The following EPB41 variants were observed in gnomAD, a reference collection of about 807,000 sequenced individuals.
EPB41 encodes the protein erythrocyte membrane protein band 4.1.
A neutral mutation model predicts 108.0 loss-of-function variants in EPB41; 65 were observed. That is an observed-to-expected ratio of 0.60 (90% CI 0.49 to 0.74). The LOEUF (loss-of-function observed/expected upper bound fraction) is 0.74. EPB41 is among the 30% of genes least tolerant of loss of function. EPB41 has a pLI of 0.00. For missense variants in EPB41, 875 were observed against 1,037.0 expected (o/e 0.84, Z 2.15); for synonymous variants, 336 against 358.9 (o/e 0.94, Z 0.72).
In EPB41 at chr1:29,035,806, G is replaced by A. The variant is rs1558100215; in HGVS notation, c.1366-20G>A. On this transcript the variant is annotated intron_variant, in intron 9 of 20. Transcript: ENST00000343067. ...TCACATGTAATACTTCATGTCCCAT[G>A]TTTATTTGTGTTTTTGTAGCAAGAG... 1 of 1,575,694 alleles carries A rather than the reference G, an allele frequency of 6.3e-7. No homozygotes were observed. Among genetic ancestry groups the A allele is most frequent in the African/African-American group, 1.3e-5 (1 of 74,238 alleles).
intron 1 of EPB41, among the ~76,000 whole-genome samples, chr1:28,958,260 G>A (rs1324150494): frequency 6.6e-6 from 1 of 152,258 alleles, no homozygotes; most frequent in Non-Finnish European, 1.5e-5. Flanking sequence ...ACCAGCCTGG[G>A]CAATATGGTA....
Position 29,109,343 on chromosome 1 carries a change from A to T in EPB41, c.2321A>T (p.Asp774Val). The change falls in exon 18 of 21, where the codon GAC (aspartate) becomes GTC (valine). Residue 774 changes from aspartate to valine, a missense_variant. By Grantham distance (152) the Asp-to-Val change is radical. Around this residue, in one of 3 missense-constraint regions of EPB41, gnomAD observed 519 missense variants for 627.3 expected, o/e 0.83. Transcript: ENST00000343067. ...CCATGCTTTCTTCTGCAGACTGACG[A>T]CAACAGTGGAGACTTGGACCCAGGA... ...TITYEAAQTD[D>V]NSGDLDPGVL... 6.2e-7 allele frequency: 1 copy of T among 1,614,010 alleles called. No homozygotes were observed. The highest frequency in any genetic ancestry group is 8.5e-7 in the Non-Finnish European group (1 of 1,179,884).
At chr1:28,939,761 T>G (rs925651762) in intron 1 of EPB41, among the ~76,000 whole-genome samples, 7 of 151,992 alleles carry the variant, frequency 4.6e-5, no homozygotes, top group Non-Finnish European at 7.4e-5. Context: ...TTTTTAAAGA[T>G]CTTAATATTT....
In EPB41 at chr1:28,934,666, T is replaced by TTGTGTGTGTGTGTGTGTGTGTG. The variant is rs1204147204; in HGVS notation, c.-8+19916_-8+19937dup. Among the ~76,000 whole-genome samples, 97 of 136,396 alleles carry TTGTGTGTGTGTGTGTGTGTGTG rather than the reference T, an allele frequency of 7.1e-4. 1 individual carries two copies. The highest frequency in any genetic ancestry group is 1.1e-3 in the African/African-American group (38 of 34,654). 89.5% of individuals were successfully genotyped at this position (136,396 alleles called of 152,430 possible). A position where few individuals can be genotyped will look rare whatever the true frequency, so the allele number is the denominator to read the frequency against. ...TGGTTGGCCTCTGGTTCTTTTGACA[T>TTGTGTGTGTGTGTGTGTGTGTG]TGTGTGTGTGTGTGTGTGTGTGTGT... On this transcript the variant is annotated intron_variant, in intron 1 of 20. Transcript: ENST00000343067.
intron 17 of EPB41, among the ~76,000 whole-genome samples, chr1:29,104,898 ATT>A (rs1337518883): frequency 6.7e-6 from 1 of 150,202 alleles, no homozygotes; most frequent in East Asian, 2.0e-4. Context: ...TAATTTTTTA[ATT>A]TTTTGTACAC....
intron 4 of EPB41, among the ~76,000 whole-genome samples, chr1:29,009,361 A>G (rs1408732853): frequency 2.0e-5 from 3 of 152,184 alleles, no homozygotes; most frequent in Non-Finnish European, 1.5e-5. Flanking sequence ...TCTACATGGT[A>G]GCTTATACCC....
chr1:29,058,926 A>G, intron 14 of EPB41, 74 bp downstream of exon 14: 1 of 1,245,780 alleles, frequency 8.0e-7, no homozygotes, highest in Non-Finnish European at 1.1e-6. Flanking sequence ...TTAAAAAGAC[A>G]GTGATCCATT....
chr1:29,113,227 G>GAACA (rs996015789), intron 19 of EPB41, among the ~76,000 whole-genome samples: 4 of 152,216 alleles, frequency 2.6e-5, no homozygotes, highest in African/African-American at 9.6e-5. Context: ...GGTGAGGTTA[G>GAACA]AACAGTAAAG....
At chr1:28,969,876 G>A (rs1455151664) in intron 1 of EPB41, among the ~76,000 whole-genome samples, 2 of 152,152 alleles carry the variant, frequency 1.3e-5, no homozygotes, top group East Asian at 1.9e-4. Flanking sequence ...ACTCCAGCCT[G>A]GGCGACAGAG....
At chr1:29,069,207 G>A in intron 16 of EPB41, 1 of 1,231,542 alleles carries the variant, frequency 8.1e-7, no homozygotes, top group South Asian at 4.1e-5. Flanking sequence ...ACTTAGGGGT[G>A]TGCAAAGAAC....
chr1:29,075,381 G>A (rs2151167920), intron 16 of EPB41, among the ~76,000 whole-genome samples: 1 of 152,142 alleles, frequency 6.6e-6, no homozygotes, highest in Admixed American at 6.6e-5. Context: ...AGGAGGCTGA[G>A]GCAGGAGAAT....
intron 2 of EPB41, among the ~76,000 whole-genome samples, chr1:28,989,770 T>C (rs1344243356): frequency 6.6e-6 from 1 of 152,162 alleles, no homozygotes; most frequent in Admixed American, 6.5e-5. Flanking sequence ...CTCTGTACAA[T>C]GGGGATAATA....
intron 19 of EPB41, among the ~76,000 whole-genome samples, chr1:29,113,521 A>G (rs560133496): frequency 1.3e-5 from 2 of 152,278 alleles, no homozygotes; most frequent in Admixed American, 1.3e-4. Flanking sequence ...GCCTGCACCC[A>G]CCCACTCAGT....
intron 16 of EPB41, chr1:29,069,394 G>A: frequency 8.1e-7 from 1 of 1,229,276 alleles, no homozygotes; most frequent in Non-Finnish European, 1.0e-6. Flanking sequence ...TTCTTTAAAA[G>A]TGTCTAAAGC....
intron 4 of EPB41, among the ~76,000 whole-genome samples, chr1:29,002,070 A>G (rs1306919418): frequency 6.6e-6 from 1 of 152,214 alleles, no homozygotes; most frequent in Non-Finnish European, 1.5e-5. Context: ...CATTGGTAAA[A>G]TGGGAATGAT....
At chr1:29,044,467 T>G (rs986414812) in intron 11 of EPB41, among the ~76,000 whole-genome samples, 2 of 152,232 alleles carry the variant, frequency 1.3e-5, no homozygotes, top group Non-Finnish European at 2.9e-5. Context: ...CTTATTACAT[T>G]TATATTCTGA....
rs1572668339 is a variant in EPB41, at chr1:29,025,913, C to T, written c.1125-4487C>T. ...TGAGGATGGTAGTCATGTGTGGGCA[C>T]CTGGTGGTGGGTTTCAGAAGCCAAG... On this transcript the variant is annotated intron_variant, in intron 7 of 20. Coordinates refer to ENST00000343067, the MANE Select transcript of EPB41 (RefSeq NM_001376013.1). Among the ~76,000 whole-genome samples the T allele has an allele frequency of 2.7e-5, 4 of 150,300 alleles. No homozygotes were observed. In the East Asian group the frequency reaches 5.8e-4, roughly 22 times the overall value.
chr1:28,905,818 C>CTT (rs573552880), intron 1 of EPB41, among the ~76,000 whole-genome samples: 23 of 133,848 alleles, frequency 1.7e-4, no homozygotes, highest in Admixed American at 3.9e-4. Context: ...TTCTTTCTTT[C>CTT]TTTTTTTTTT....
intron 16 of EPB41, among the ~76,000 whole-genome samples, chr1:29,078,670 C>G (rs1000804904): frequency 6.6e-6 from 1 of 152,076 alleles, no homozygotes; most frequent in African/African-American, 2.4e-5. Flanking sequence ...ATCATTTGAA[C>G]CCAGGAGTTT....
Sources: allele counts gnomAD v4.1 joint callset (sites outside exome capture counted in the v4.1 genomes callset), GRCh38; gene constraint gnomAD v4.1.1; regional missense constraint gnomAD v4.1.1; transcripts MANE v1.5; gene names NCBI Gene and HGNC (gene_info 2026-07-23, HGNC 2026-07-21).